The following DOT1L variants were observed in gnomAD, a reference collection of about 807,000 sequenced individuals.
DOT1L encodes the protein DOT1 like histone lysine methyltransferase, also known as histone-lysine N-methyltransferase, H3 lysine-79 specific.
DOT1L carries 33 observed loss-of-function variants against 153.3 expected under a neutral mutation model. That is an observed-to-expected ratio of 0.22 (90% confidence interval 0.16 to 0.29). The LOEUF (loss-of-function observed/expected upper bound fraction) is 0.29, where lower values mean the gene tolerates loss of function less well. DOT1L is among the 10% of genes least tolerant of loss of function. DOT1L has a pLI of 1.00. For missense variants in DOT1L, 1,847 were observed against 2,119.9 expected (o/e 0.87, Z 2.53); for synonymous variants, 1,135 against 965.1 (o/e 1.18, Z -3.26).
In DOT1L at chr19:2,228,329, G is replaced by C. The variant is rs918390731; in HGVS notation, c.4606+1202G>C. ...CGCCTCCCTATGCCGCGCACCTTTC[G>C]GGGGTTAAGCCGCGATAAAGACCTT... On this transcript the variant is annotated intron_variant, in intron 27 of 27. Transcript: ENST00000398665. 5 of 1,334,696 alleles carry C rather than the reference G, an allele frequency of 3.7e-6. 1 individual carries two copies. In the East Asian group the frequency reaches 1.9e-4, roughly 50 times the overall value. The allele number at this position is 1,334,696 out of a possible 1,614,324, so 82.7% of individuals were successfully genotyped here.
chr19:2,194,493 C>T (rs377314321), intron 6 of DOT1L, 22 bp from the exon 7 acceptor site: 43 of 1,613,642 alleles, frequency 2.7e-5, no homozygotes, highest in Middle Eastern at 3.3e-4. Context: ...TTGTAACGGG[C>T]GTTTGGTTTC....
rs1157778655 is a variant in DOT1L, at chr19:2,220,279, G to A, written c.2806+57G>A. 1 of 1,539,394 alleles carries A rather than the reference G, an allele frequency of 6.5e-7. No homozygotes were observed. The highest frequency in any genetic ancestry group is 1.9e-5 in the Admixed American group (1 of 53,888). On this transcript the variant is annotated intron_variant, in intron 23 of 27. Coordinates refer to ENST00000398665, the MANE Select transcript of DOT1L (RefSeq NM_032482.3). This position sits in a 1 kb window ranked among gnomAD's most constrained non-coding sequence, Gnocchi z 4.5. The stretch of plus-strand genomic sequence containing the variant: ...CTCTGCTGCTGCTGCTGCTCTTCAG[G>A]CAGGAGGGCTGGGTTGCTGGGAGTG...
chr19:2,164,440 T>C (rs567097785), intron 1 of DOT1L, 175 bp downstream of exon 1: 3 of 404,328 alleles, frequency 7.4e-6, no homozygotes, highest in Non-Finnish European at 1.2e-5. Context: ...CCCGCGGCTG[T>C]TTCCCGCAGG....
In DOT1L at chr19:2,191,083, G is replaced by T; in HGVS notation, c.336G>T (p.Gln112His). 6.2e-7 allele frequency: 1 copy of T among 1,613,052 alleles called. No homozygotes were observed. The highest frequency in any genetic ancestry group is 1.6e-4 in the Middle Eastern group (1 of 6,062). The change falls in exon 5 of 28, where the codon CAG (glutamine) becomes CAT (histidine). Residue 112 changes from glutamine to histidine, a missense_variant. By Grantham distance (24) the Gln-to-His change is conservative. Coordinates refer to ENST00000398665, the MANE Select transcript of DOT1L (RefSeq NM_032482.3). This position sits in a 1 kb window ranked among gnomAD's most constrained non-coding sequence, Gnocchi z 6.8. ...PSTGLLRHILQQVYNHSVTDP... is the reference protein window; with the variant it reads ...PSTGLLRHILHQVYNHSVTDP... ...CTGGACTCCTGCGCCATATCCTGCA[G>T]CAGGTCTACAACCACTCGGTGACCG...
At position 2,207,255 on chromosome 19, in the gene DOT1L, T is replaced by C. The variant is rs1345828102; in HGVS notation, c.857-319T>C. On this transcript the variant is annotated intron_variant, in intron 10 of 27. Transcript: ENST00000398665. The surrounding 1 kb of genome is among the most constrained non-coding windows in gnomAD (Gnocchi z 4.5). ...CCCTGAGGAGCGCCCACCCGGGAGGTGCCTGTGTTGCTGGATGCTGGCCGT... is the reference window on the plus strand; with the variant it reads ...CCCTGAGGAGCGCCCACCCGGGAGGCGCCTGTGTTGCTGGATGCTGGCCGT... Among the ~76,000 whole-genome samples, 3 of 152,058 alleles carry C rather than the reference T, an allele frequency of 2.0e-5. No homozygotes were observed. Among genetic ancestry groups the C allele is most frequent in the Non-Finnish European group, 4.4e-5 (3 of 67,980 alleles).
In DOT1L at chr19:2,213,564, C is replaced by A; in HGVS notation, c.1583C>A (p.Ala528Glu). The stretch of plus-strand genomic sequence containing the variant: ...GAGAAGAACGCCCAGCTCCTGGGTG[C>A]GGCTCAGCAGCTCCTCAGCCACTGC... ...EKEKNAQLLG[A>E]AQQLLSHCQA... Residue 528 changes from alanine (A) to glutamate (E), a missense_variant, in exon 17 of 28, where the codon GCG becomes GAG. By Grantham distance (107) the Ala-to-Glu change is moderately radical. Coordinates refer to ENST00000398665, the MANE Select transcript of DOT1L (RefSeq NM_032482.3). 1 of 1,613,196 alleles carries A rather than the reference C, an allele frequency of 6.2e-7. No homozygotes were observed. The highest frequency in any genetic ancestry group is 8.5e-7 in the Non-Finnish European group (1 of 1,179,952).
At position 2,191,192 on chromosome 19, in the gene DOT1L, G is replaced by C; in HGVS notation, c.445G>C (p.Asp149His). 1 of 1,613,956 alleles carries C rather than the reference G, an allele frequency of 6.2e-7. No homozygotes were observed. The highest frequency in any genetic ancestry group is 8.5e-7 in the Non-Finnish European group (1 of 1,179,998). Reference protein sequence around the residue: ...TSFDLVAQMIDEIKMTDDDLF... With the variant: ...TSFDLVAQMIHEIKMTDDDLF... ...CTTCGACCTGGTGGCCCAGATGATT[G>C]ATGAGATCAAGATGACCGACGACGA... The change falls in exon 5 of 28, where the codon GAT (aspartate) becomes CAT (histidine). Residue 149 changes from aspartate to histidine, a missense_variant. Physicochemically the swap from Asp to His is moderately conservative, Grantham distance 81. This residue lies in a region of DOT1L where 148 missense variants were observed against 422.3 expected (regional missense o/e 0.35). Coordinates refer to ENST00000398665, the MANE Select transcript of DOT1L (RefSeq NM_032482.3). This position sits in a 1 kb window ranked among gnomAD's most constrained non-coding sequence, Gnocchi z 6.8.
At chr19:2,227,867 T>C (rs2024421708) in intron 27 of DOT1L, 2 of 1,280,174 alleles carry the variant, frequency 1.6e-6, no homozygotes, top group Non-Finnish European at 2.0e-6. Flanking sequence ...CCTCGGCCTC[T>C]TCCTTTCAGG....
intron 8 of DOT1L, among the ~76,000 whole-genome samples, chr19:2,200,986 G>C (rs1273829314): frequency 2.0e-5 from 2 of 97,720 alleles, no homozygotes; most frequent in African/African-American, 8.5e-5. Flanking sequence ...CTCATTCCTC[G>C]TCGTCCCCTC....
At chr19:2,177,788 ATC>A (rs1479552923) in intron 1 of DOT1L, among the ~76,000 whole-genome samples, 2 of 151,360 alleles carry the variant, frequency 1.3e-5, no homozygotes, top group Non-Finnish European at 2.9e-5. Flanking sequence ...TTGAGCTGGA[ATC>A]TCACTCTGCT....
rs1383281043 is a variant in DOT1L at position 2,231,684 on chromosome 19, CTG to C, written c.*1896_*1897del. On this transcript the variant is annotated 3_prime_UTR_variant, in exon 28 of 28. Coordinates refer to ENST00000398665, the MANE Select transcript of DOT1L (RefSeq NM_032482.3). ...TGGCCTTCAGGACAGGCAGCCTGCT[CTG>C]TGTCGCCACGGGCCGGATACGCCAC... 7 of 214,678 alleles carry C rather than the reference CTG, an allele frequency of 3.3e-5. No individual in the cohort carries two copies. The highest frequency in any genetic ancestry group is 1.5e-3 in the Middle Eastern group (1 of 656). The allele number at this position is 214,678 out of a possible 1,614,324, so 13.3% of individuals were successfully genotyped here. A position where few individuals can be genotyped will look rare whatever the true frequency, so the allele number is the denominator to read the frequency against.
rs2023954651 is a variant in DOT1L at position 2,217,635 on chromosome 19, TG to T, written c.2545-133del. On this transcript the variant is annotated intron_variant, in intron 21 of 27. Coordinates refer to ENST00000398665, the MANE Select transcript of DOT1L (RefSeq NM_032482.3). The surrounding 1 kb of genome is among the most constrained non-coding windows in gnomAD (Gnocchi z 7.3). ...CGGTGTCCAGGAGGGCCTGACTGCG[TG>T]GGGAAGGTTGCAGGGCCTTGGCAGC... 3 of 1,269,816 alleles carry T rather than the reference TG, an allele frequency of 2.4e-6. No individual in the cohort carries two copies. Among genetic ancestry groups the T allele is most frequent in the Non-Finnish European group, 2.2e-6 (2 of 927,898 alleles). The allele number at this position is 1,269,816 out of a possible 1,614,324, so 78.7% of individuals were successfully genotyped here.
chr19:2,166,302 A>G (rs1012160051), intron 1 of DOT1L, among the ~76,000 whole-genome samples: 1 of 146,912 alleles, frequency 6.8e-6, no homozygotes, highest in African/African-American at 2.6e-5. Context: ...CTCCATGTTC[A>G]TCAGGCTGCT....
chr19:2,196,833 C>T (rs777338749), intron 7 of DOT1L, among the ~76,000 whole-genome samples: 26 of 152,208 alleles, frequency 1.7e-4, no homozygotes, highest in African/African-American at 3.6e-4. Flanking sequence ...AGCCCCTGGC[C>T]GCGGAGCACG....
chr19:2,193,006 G>A lies in DOT1L; in HGVS notation c.494-683G>A, dbSNP rs761030334. Among the ~76,000 whole-genome samples, 2 of 152,192 alleles carry A rather than the reference G, an allele frequency of 1.3e-5. No homozygotes were observed. Among genetic ancestry groups the A allele is most frequent in the African/African-American group, 2.4e-5 (1 of 41,434 alleles). ...TGTGGTCGCTCCATGGTTCATGCCC[G>A]TTCCCTGGAGCACAGAGCTGCCTAG... On this transcript the variant is annotated intron_variant, in intron 5 of 27. Coordinates refer to ENST00000398665, the MANE Select transcript of DOT1L (RefSeq NM_032482.3). This position sits in a 1 kb window ranked among gnomAD's most constrained non-coding sequence, Gnocchi z 5.9.
intron 1 of DOT1L, among the ~76,000 whole-genome samples, chr19:2,174,956 A>ATGTGTGTG (rs1473025203): frequency 4.0e-5 from 4 of 100,520 alleles, no homozygotes; most frequent in African/African-American, 7.5e-5. Context: ...GTTTTTAAAT[A>ATGTGTGTG]TATGTGTGTG....
At chr19:2,185,596 C>T (rs543542012) in intron 2 of DOT1L, among the ~76,000 whole-genome samples, 4 of 152,188 alleles carry the variant, frequency 2.6e-5, no homozygotes, top group South Asian at 2.1e-4. Flanking sequence ...TGGCCTAACC[C>T]GGTCTCTACT....
chr19:2,205,537 C>T (rs72985472), intron 9 of DOT1L, among the ~76,000 whole-genome samples: 29 of 152,310 alleles, frequency 1.9e-4, no homozygotes, highest in Non-Finnish European at 4.1e-4. Context: ...TTTGTCTTTG[C>T]ATTTATCACT....
rs1202448028 is a variant in DOT1L at position 2,191,553 on chromosome 19, C to G, written c.493+313C>G. Among the ~76,000 whole-genome samples, 5 of 152,120 alleles carry G rather than the reference C, an allele frequency of 3.3e-5. No individual in the cohort carries two copies. The highest frequency in any genetic ancestry group is 7.4e-5 in the Non-Finnish European group (5 of 68,018). ...AGCTAGACCTGTGCACCCTCTACTGCTCGCTCCCAGAAGCTGCCACTCGCT... is the reference window on the plus strand; with the variant it reads ...AGCTAGACCTGTGCACCCTCTACTGGTCGCTCCCAGAAGCTGCCACTCGCT... On this transcript the variant is annotated intron_variant, in intron 5 of 27. Transcript: ENST00000398665. This position sits in a 1 kb window ranked among gnomAD's most constrained non-coding sequence, Gnocchi z 6.8.
Sources: allele counts gnomAD v4.1 joint callset (sites outside exome capture counted in the v4.1 genomes callset), GRCh38; gene constraint gnomAD v4.1.1; regional missense constraint gnomAD v4.1.1; non-coding constraint Gnocchi (gnomAD v3.1); transcripts MANE v1.5; gene names NCBI Gene and HGNC (gene_info 2026-07-23, HGNC 2026-07-21).